Variants in PIK3C2G observed in about 807,000 individuals in gnomAD.
PIK3C2G encodes phosphatidylinositol-4-phosphate 3-kinase catalytic subunit type 2 gamma, also known as phosphatidylinositol 3-kinase C2 domain-containing subunit gamma.
In PIK3C2G, 168 loss-of-function variants were observed where a neutral mutation model predicts 181.1. The observed-to-expected ratio is 0.93, with a 90% confidence interval of 0.82 to 1.05. The LOEUF is 1.05. Among genes scored for constraint, PIK3C2G ranks in the 50% least tolerant of loss-of-function variants. The pLI, the probability that PIK3C2G is intolerant of heterozygous loss-of-function variation, is 0.00. For synonymous variants in PIK3C2G, 573 were observed against 592.2 expected (o/e 0.97, Z 0.47); for missense variants, 1,869 against 1,732.8 (o/e 1.08, Z -1.40).
At chr12:18,378,039 C>T (rs568698729) in intron 13 of PIK3C2G, among the ~76,000 whole-genome samples, 17 of 152,266 alleles carry the variant, frequency 1.1e-4, no homozygotes, top group African/African-American at 4.1e-4. Context: ...GCCCCATACA[C>T]ACATCTATGT....
intron 11 of PIK3C2G, chr12:18,358,783 T>C (rs1020327509): frequency 7.1e-5 from 23 of 325,988 alleles, no homozygotes; most frequent in African/African-American, 3.9e-4. Flanking sequence ...ATGGGGGCTT[T>C]GGAAAATTAG....
At chr12:18,443,570 G>A (rs540396075) in intron 18 of PIK3C2G, among the ~76,000 whole-genome samples, 44 of 151,730 alleles carry the variant, frequency 2.9e-4, no homozygotes, top group African/African-American at 1.7e-4. Context: ...TGTAATCACC[G>A]AAAAACTCCT....
the PIK3C2G span, among the ~76,000 whole-genome samples, chr12:18,684,808 G>T: frequency 6.6e-5 from 10 of 152,084 alleles, no homozygotes; most frequent in South Asian, 1.0e-3. Flanking sequence ...TAATCCCCAG[G>T]TGTTTAGGAA....
the PIK3C2G span, among the ~76,000 whole-genome samples, chr12:18,678,409 G>T: frequency 6.6e-6 from 1 of 152,062 alleles, no homozygotes; most frequent in East Asian, 1.9e-4. Context: ...AATTTGATTC[G>T]TTTTGACATA....
intron 29 of PIK3C2G, among the ~76,000 whole-genome samples, chr12:18,568,524 G>A (rs964820549): frequency 9.9e-5 from 15 of 152,084 alleles, no homozygotes; most frequent in African/African-American, 3.6e-4. Flanking sequence ...GCAGGCCGGA[G>A]ACCAGAGGAG....
At chr12:18,452,710 C>T (rs1017105928) in intron 18 of PIK3C2G, among the ~76,000 whole-genome samples, 1 of 152,090 alleles carries the variant, frequency 6.6e-6, no homozygotes, top group Non-Finnish European at 1.5e-5. Flanking sequence ...TTCAGTGCTA[C>T]AAATTTCCCT....
At chr12:18,343,982 C>G (rs1217584103) in intron 10 of PIK3C2G, among the ~76,000 whole-genome samples, 1 of 152,070 alleles carries the variant, frequency 6.6e-6, no homozygotes, top group African/African-American at 2.4e-5. Flanking sequence ...TCAACTCTCC[C>G]AACTCAAATC....
intron 2 of PIK3C2G, among the ~76,000 whole-genome samples, chr12:18,285,806 G>A (rs1263919186): frequency 6.6e-6 from 1 of 151,598 alleles, no homozygotes; most frequent in African/African-American, 2.4e-5. Flanking sequence ...AAGACAAATA[G>A]AAACAAATAT....
intron 32 of PIK3C2G, among the ~76,000 whole-genome samples, chr12:18,647,574 T>C (rs937437015): frequency 6.6e-6 from 1 of 152,130 alleles, no homozygotes; most frequent in African/African-American, 2.4e-5. Flanking sequence ...AAAGGTGAAG[T>C]ATATTTAAAT....
At chr12:18,593,462 C>A (rs1592668571) in intron 29 of PIK3C2G, among the ~76,000 whole-genome samples, 1 of 151,762 alleles carries the variant, frequency 6.6e-6, no homozygotes, top group African/African-American at 2.4e-5. Flanking sequence ...AAGTTAAAGT[C>A]TCCTGGGGAA....
At chr12:18,559,753 A>T (rs1945195472) in intron 26 of PIK3C2G, among the ~76,000 whole-genome samples, 1 of 138,472 alleles carries the variant, frequency 7.2e-6, no homozygotes. Flanking sequence ...AAGGAGAAAT[A>T]TCTCAGAATG....
chr12:18,269,910 T>TTC, intron 1 of PIK3C2G, among the ~76,000 whole-genome samples: 1 of 114,518 alleles, frequency 8.7e-6, no homozygotes, highest in Non-Finnish European at 2.1e-5. Context: ...TTTTTTTCTT[T>TTC]TCTTTTTTTT....
At chr12:18,639,445 C>T (rs1443775224) in intron 31 of PIK3C2G, among the ~76,000 whole-genome samples, 2 of 152,074 alleles carry the variant, frequency 1.3e-5, no homozygotes, top group Non-Finnish European at 2.9e-5. Context: ...AAAACAAGCA[C>T]TTAATTCCTC....
intron 8 of PIK3C2G, among the ~76,000 whole-genome samples, chr12:18,336,748 C>T (rs1482716180): frequency 6.6e-6 from 1 of 152,078 alleles, no homozygotes; most frequent in Non-Finnish European, 1.5e-5. Context: ...CATCTTTTTA[C>T]TTTTAGCTCA....
chr12:18,355,993 C>T (rs1592046786), intron 11 of PIK3C2G, among the ~76,000 whole-genome samples: 2 of 152,154 alleles, frequency 1.3e-5, no homozygotes, highest in South Asian at 4.1e-4. Context: ...ACTTGGGGAA[C>T]AGGTCCAGTC....
At chr12:18,298,624 A>G (rs980425734) in intron 5 of PIK3C2G, among the ~76,000 whole-genome samples, 40 of 151,562 alleles carry the variant, frequency 2.6e-4, no homozygotes, top group African/African-American at 9.7e-4. Flanking sequence ...ACTTGCCTAC[A>G]CCAATGTTCT....
chr12:18,614,327 A>G (rs1400444663), intron 31 of PIK3C2G, among the ~76,000 whole-genome samples: 1 of 152,132 alleles, frequency 6.6e-6, no homozygotes, highest in Non-Finnish European at 1.5e-5. Flanking sequence ...CCAAAGAAAC[A>G]TTGACCCTCA....
At chr12:18,611,920 CT>C (rs1272332888) in intron 31 of PIK3C2G, among the ~76,000 whole-genome samples, 13 of 152,104 alleles carry the variant, frequency 8.5e-5, no homozygotes, top group Non-Finnish European at 1.5e-5. Context: ...TTTATAATCT[CT>C]TTTTAATCTA....
chr12:18,503,553 A>G (rs1941640706), intron 23 of PIK3C2G, 136 bp downstream of exon 23: 7 of 549,052 alleles, frequency 1.3e-5, no homozygotes, highest in African/African-American at 2.0e-5. Context: ...TAATTAATTA[A>G]TCAGCCCAGT....
Sources: gnomAD v4.1 joint callset for allele counts (sites outside exome capture counted in the v4.1 genomes callset) on GRCh38, gnomAD v4.1.1 for gene constraint, MANE v1.5 for transcripts, NCBI Gene and HGNC (gene_info 2026-07-23, HGNC 2026-07-21) for gene names.